ZNF445: variants seen among roughly 807,000 people sequenced by gnomAD.
ZNF445 encodes zinc finger protein 168.
Under a neutral mutation model 93.9 loss-of-function variants are expected in ZNF445, and 19 were observed. The observed-to-expected ratio is 0.20, with a 90% CI of 0.14 to 0.30. The LOEUF is 0.30. Ranked by LOEUF, ZNF445 falls within the 10% of genes least tolerant of loss-of-function variation. The pLI, the probability that ZNF445 is intolerant of heterozygous loss-of-function variation, is 1.00. For synonymous variants in ZNF445, 449 were observed against 446.3 expected (o/e 1.01, Z -0.08); for missense variants, 1,058 against 1,259.4 (o/e 0.84, Z 2.42).
At chr3:44,448,850 A>G in intron 7 of ZNF445, 111 bp from the exon 8 acceptor site, 1 of 1,269,184 alleles carries the variant, frequency 7.9e-7, no homozygotes, top group Non-Finnish European at 1.1e-6. Flanking sequence ...CCTGACTGCC[A>G]ATACCTTTAT....
Position 44,437,830 on chromosome 3 carries a change from A to G in ZNF445, c.*8745T>C, listed in dbSNP as rs971944974. The G allele has an allele frequency of 1.3e-5, 2 of 152,050 alleles. No individual in the cohort carries two copies. Among genetic ancestry groups the G allele is most frequent in the African/African-American group, 4.8e-5 (2 of 41,396 alleles). 9.4% of individuals were successfully genotyped at this position (152,050 alleles called of 1,614,324 possible). ...CTTACGCAAAGGTAGCCGTTGGGTC[A>G]ACGTTTCTGCACTATAGTCCCTTCT... On this transcript the variant is annotated 3_prime_UTR_variant, in exon 8 of 8. Transcript: ENST00000396077.
intron 2 of ZNF445, among the ~76,000 whole-genome samples, chr3:44,457,724 C>T (rs187865885): frequency 2.0e-5 from 3 of 152,214 alleles, no homozygotes; most frequent in East Asian, 3.9e-4. Flanking sequence ...CAGACTTGGC[C>T]GGGTGTGGTG....
At chr3:44,450,984 G>A (rs941307310) in intron 4 of ZNF445, 22 bp from the exon 5 acceptor site, 2 of 1,549,028 alleles carry the variant, frequency 1.3e-6, no homozygotes, top group Non-Finnish European at 1.7e-6. Context: ...AAAGCCATGA[G>A]AGAGCGGCTC....
rs1439756501 is a variant in ZNF445 at position 44,442,062 on chromosome 3, G to GA, written c.*4512dup. On this transcript the variant is annotated 3_prime_UTR_variant, in exon 8 of 8. Transcript: ENST00000396077. The stretch of plus-strand genomic sequence containing the variant: ...TACTATCCCATTTTACAGAAAAAGT[G>GA]AAAAACAAGTTGAAGTAACGTGCCC... 6 of 151,894 alleles carry GA rather than the reference G, an allele frequency of 4.0e-5. No individual in the cohort carries two copies. The highest frequency in any genetic ancestry group is 8.8e-5 in the Non-Finnish European group (6 of 67,994). 9.4% of individuals were successfully genotyped at this position (151,894 alleles called of 1,614,324 possible). A position where few individuals can be genotyped will look rare whatever the true frequency, so the allele number is the denominator to read the frequency against.
intron 1 of ZNF445, among the ~76,000 whole-genome samples, chr3:44,461,078 C>CCA (rs1265892213): frequency 1.4e-4 from 21 of 152,218 alleles, no homozygotes; most frequent in Non-Finnish European, 2.5e-4. Flanking sequence ...TGTAGCCCTA[C>CCA]CACAGGGTGT....
At position 44,443,508 on chromosome 3, in the gene ZNF445, C is replaced by G. The variant is rs1697838245; in HGVS notation, c.*3067G>C. On this transcript the variant is annotated 3_prime_UTR_variant, in exon 8 of 8. Transcript: ENST00000396077. ...GGCCGAGGCGGGTGGATCACGACGT[C>G]AGGAGATCGAGACCATCCTGGAGAT... 6.6e-6 allele frequency: 1 copy of G among 151,856 alleles called. No homozygotes were observed. 9.4% of individuals were successfully genotyped at this position (151,856 alleles called of 1,614,324 possible).
At chr3:44,470,369 G>A (rs966107054) in intron 1 of ZNF445, among the ~76,000 whole-genome samples, 2 of 152,202 alleles carry the variant, frequency 1.3e-5, no homozygotes, top group Admixed American at 1.3e-4. Context: ...GTGTGTGTGT[G>A]ACTGTATACG....
At chr3:44,452,328 G>GT (rs1198045949) in intron 3 of ZNF445, among the ~76,000 whole-genome samples, 1 of 149,234 alleles carries the variant, frequency 6.7e-6, no homozygotes. Flanking sequence ...TTTATCTCCC[G>GT]TTTTTTATTC....
intron 1 of ZNF445, among the ~76,000 whole-genome samples, chr3:44,470,697 C>G (rs866855322): frequency 2.6e-4 from 40 of 152,294 alleles, no homozygotes; most frequent in African/African-American, 8.7e-4. Context: ...AAAGGGCTCT[C>G]CTTCCTTATT....
At chr3:44,464,598 A>G (rs1447967475) in intron 1 of ZNF445, among the ~76,000 whole-genome samples, 1 of 152,264 alleles carries the variant, frequency 6.6e-6, no homozygotes, top group Non-Finnish European at 1.5e-5. Context: ...TTTGGTCTAA[A>G]TTAAGATATC....
intron 1 of ZNF445, among the ~76,000 whole-genome samples, chr3:44,467,965 T>C (rs1698216232): frequency 6.6e-6 from 1 of 152,228 alleles, no homozygotes; most frequent in Non-Finnish European, 1.5e-5. Flanking sequence ...GGAATTGTAC[T>C]CCTCATCCTA....
chr3:44,460,318 T>C (rs2125682369), intron 1 of ZNF445, among the ~76,000 whole-genome samples: 1 of 152,362 alleles, frequency 6.6e-6, no homozygotes, highest in Non-Finnish European at 1.5e-5. Flanking sequence ...ACTAATAGTT[T>C]AAACATAGAG....
intron 1 of ZNF445, among the ~76,000 whole-genome samples, chr3:44,473,419 A>T (rs1490232900): frequency 6.7e-6 from 1 of 149,074 alleles, no homozygotes; most frequent in Admixed American, 6.7e-5. Context: ...ATGCCACTGC[A>T]CTCCAGCCTG....
chr3:44,473,482 CACACACACAA>C (rs199952211), intron 1 of ZNF445, among the ~76,000 whole-genome samples: 29,600 of 141,828 alleles, frequency 0.21, 3,089 homozygotes, highest in Middle Eastern at 0.36. Flanking sequence ...CACACACACA[CACACACACAA>C]AAAATGCTTT....
Position 44,455,296 on chromosome 3 carries a change from C to T in ZNF445, c.254G>A (p.Arg85Lys), listed in dbSNP as rs12631034. 1 of 1,614,144 alleles carries T rather than the reference C, an allele frequency of 6.2e-7. No homozygotes were observed. Among genetic ancestry groups the T allele is most frequent in the Non-Finnish European group, 8.5e-7 (1 of 1,179,968 alleles). ...CTGTGCCTTGGAGAGAACGTCAGGC[C>T]TCAGCCACCAGCGACAGAGTTCCCG... ...RLRELCRWWL[R>K]PDVLSKAQIL... Residue 85 changes from arginine (R) to lysine (K), a missense_variant, in exon 3 of 8, where the codon AGG (arginine) becomes AAG (lysine). Coordinates refer to ENST00000396077, the MANE Select transcript of ZNF445 (RefSeq NM_181489.6).
chr3:44,452,335 A>G (rs187602260), intron 3 of ZNF445, among the ~76,000 whole-genome samples: 1 of 151,932 alleles, frequency 6.6e-6, no homozygotes, highest in East Asian at 1.9e-4. Context: ...CCCGTTTTTT[A>G]TTCTTCTAAT....
Position 44,446,434 on chromosome 3 carries a change from C to T in ZNF445, c.*141G>A, listed in dbSNP as rs1007408690. 2 of 1,322,728 alleles carry T rather than the reference C, an allele frequency of 1.5e-6. No homozygotes were observed. Among genetic ancestry groups the T allele is most frequent in the Non-Finnish European group, 1.0e-6 (1 of 972,376 alleles). The allele number at this position is 1,322,728 out of a possible 1,614,324, so 81.9% of individuals were successfully genotyped here. On this transcript the variant is annotated 3_prime_UTR_variant, in exon 8 of 8. Coordinates refer to ENST00000396077, the MANE Select transcript of ZNF445 (RefSeq NM_181489.6). This position sits in a 1 kb window ranked among gnomAD's most constrained non-coding sequence, Gnocchi z 4.2. ...GCAGGCTGGGGACTCCCCGAGCTTT[C>T]AAATCCTTGGGATTCTGTCACTAGC...
intron 6 of ZNF445, 95 bp downstream of exon 6, chr3:44,450,352 C>T (rs1288687286): frequency 1.3e-6 from 2 of 1,535,184 alleles, no homozygotes; most frequent in Admixed American, 1.7e-5. Context: ...GAGCCAGGAT[C>T]TAAAACCAGG....
intron 2 of ZNF445, among the ~76,000 whole-genome samples, chr3:44,456,031 C>G (rs1418061040): frequency 6.6e-6 from 1 of 152,216 alleles, no homozygotes; most frequent in Non-Finnish European, 1.5e-5. Context: ...CATTTATCTA[C>G]AGGTCTAATG....
Sources: gnomAD v4.1 joint callset for allele counts (sites outside exome capture counted in the v4.1 genomes callset) on GRCh38, gnomAD v4.1.1 for gene constraint, Gnocchi (gnomAD v3.1) non-coding constraint, MANE v1.5 for transcripts, NCBI Gene and HGNC (gene_info 2026-07-23, HGNC 2026-07-21) for gene names.